Variants in CUX1 observed in about 807,000 individuals in gnomAD.
CUX1 encodes cut like homeobox 1.
A neutral mutation model predicts 158.8 loss-of-function variants in CUX1; 31 were observed. The ratio of observed to expected loss-of-function variants is 0.20; its 90% CI spans 0.15 to 0.26. CUX1 has a LOEUF of 0.26. Among genes scored for constraint, CUX1 ranks in the 10% least tolerant of loss-of-function variants. CUX1 has a pLI of 1.00. For synonymous variants in CUX1, 879 were observed against 862.1 expected (o/e 1.02, Z -0.34); for missense variants, 1,589 against 2,014.6 (o/e 0.79, Z 4.04).
rs182967945 is a variant in CUX1, at chr7:102,117,240, A to G, written c.674+1967A>G. 3.3e-5 allele frequency among the ~76,000 whole-genome samples: 5 copies of G among 152,102 alleles called. No homozygotes were observed. The East Asian group carries it at 5.8e-4, about 18-fold the overall frequency. ...TGGCAAAACCCCATCTCTACTAAAA[A>G]TATAAAAATCAGCTGGGCATGGTGG... On this transcript the variant is annotated intron_variant, in intron 8 of 23. Transcript: ENST00000292535.
chr7:102,178,009 A>C lies in CUX1; in HGVS notation c.829-460A>C, dbSNP rs148674516. ...CCGAGTTCAAGTGATTCTCCTCCTCAGCCTCCCGAGTAGCTGGGATTACAG... is the reference window on the plus strand; with the variant it reads ...CCGAGTTCAAGTGATTCTCCTCCTCCGCCTCCCGAGTAGCTGGGATTACAG... On this transcript the variant is annotated intron_variant, in intron 10 of 23. Coordinates refer to ENST00000292535, the MANE Select transcript of CUX1 (RefSeq NM_181552.4). 5.9e-5 allele frequency among the ~76,000 whole-genome samples: 9 copies of C among 152,164 alleles called. No homozygotes were observed. The East Asian group carries it at 1.7e-3, about 30-fold the overall frequency.
At chr7:101,846,739 C>T (rs2131217773) in intron 1 of CUX1, among the ~76,000 whole-genome samples, 1 of 152,210 alleles carries the variant, frequency 6.6e-6, no homozygotes, top group Admixed American at 6.5e-5. Flanking sequence ...GTGGCAGCCC[C>T]ACGGACAGTA....
intron 1 of CUX1, among the ~76,000 whole-genome samples, chr7:101,884,297 G>A (rs774561555): frequency 3.3e-5 from 5 of 152,188 alleles, no homozygotes; most frequent in Non-Finnish European, 7.3e-5. Context: ...CAAGGTAATT[G>A]GGATATATAC....
chr7:102,134,767 C>A (rs1833712096), intron 8 of CUX1, among the ~76,000 whole-genome samples: 2 of 151,952 alleles, frequency 1.3e-5, no homozygotes, highest in South Asian at 4.2e-4. Context: ...CCAGCTAATT[C>A]TTTTTATTTT....
At chr7:101,903,171 C>T (rs1313219017) in intron 1 of CUX1, among the ~76,000 whole-genome samples, 5 of 152,196 alleles carry the variant, frequency 3.3e-5, no homozygotes, top group African/African-American at 9.6e-5. Flanking sequence ...GGTCAGCAGC[C>T]GGCCAGACCT....
intron 4 of CUX1, among the ~76,000 whole-genome samples, chr7:102,078,752 A>G (rs1827049083): frequency 6.6e-6 from 1 of 152,192 alleles, no homozygotes; most frequent in Admixed American, 6.6e-5. Flanking sequence ...AAGTAGATGT[A>G]GGTTTTTCGG....
At chr7:101,957,355 G>T (rs774258646) in intron 2 of CUX1, among the ~76,000 whole-genome samples, 2 of 152,154 alleles carry the variant, frequency 1.3e-5, no homozygotes, top group Non-Finnish European at 2.9e-5. Flanking sequence ...GATTATTTTT[G>T]GTTGGTGTGA....
intron 1 of CUX1, among the ~76,000 whole-genome samples, chr7:101,819,850 C>A (rs1017026917): frequency 2.6e-5 from 4 of 152,130 alleles, no homozygotes; most frequent in Non-Finnish European, 4.4e-5. Flanking sequence ...TGACTACATC[C>A]TCGGCTTCGT....
chr7:101,946,145 A>G (rs935182791), intron 2 of CUX1, among the ~76,000 whole-genome samples: 1 of 152,184 alleles, frequency 6.6e-6, no homozygotes, highest in African/African-American at 2.4e-5. Context: ...TAGAAGAACC[A>G]AAACCAGTCT....
chr7:101,848,051 C>CAAAAAAAAAAAAAAAAA (rs57428019), intron 1 of CUX1, among the ~76,000 whole-genome samples: 48 of 65,374 alleles, frequency 7.3e-4, no homozygotes, highest in Admixed American at 1.0e-3. Flanking sequence ...GAGCAAGACT[C>CAAAAAAAAAAAAAAAAA]AAAAAAAAAA....
intron 9 of CUX1, among the ~76,000 whole-genome samples, chr7:102,169,468 C>T (rs1247851006): frequency 6.6e-6 from 1 of 152,236 alleles, no homozygotes; most frequent in South Asian, 2.1e-4. Context: ...CCATGTCATT[C>T]GCCACCATCT....
intron 4 of CUX1, among the ~76,000 whole-genome samples, chr7:102,073,001 C>T (rs1826295894): frequency 6.6e-6 from 1 of 152,002 alleles, no homozygotes; most frequent in South Asian, 2.1e-4. Flanking sequence ...GAAGTTCTTG[C>T]TACCACTTCT....
downstream of CUX1, among the ~76,000 whole-genome samples, chr7:102,262,103 C>A (rs1429780581): frequency 6.6e-6 from 1 of 152,122 alleles, no homozygotes; most frequent in South Asian, 2.1e-4. Flanking sequence ...CAGAGTGAGA[C>A]CCTGTCTCCA....
chr7:101,821,671 C>CTTTTTTCTTT (rs1792578785), intron 1 of CUX1, among the ~76,000 whole-genome samples: 1 of 51,302 alleles, frequency 1.9e-5, no homozygotes, highest in Non-Finnish European at 3.3e-5. Context: ...TTTCTTTTTT[C>CTTTTTTCTTT]TTTTTTTTTT....
At chr7:102,057,103 G>A (rs1205007099) in intron 3 of CUX1, among the ~76,000 whole-genome samples, 1 of 149,566 alleles carries the variant, frequency 6.7e-6, no homozygotes, top group Non-Finnish European at 1.5e-5. Context: ...GAGTTTCACT[G>A]TGTTAGCCAG....
chr7:102,023,921 G>T (rs1368134673), intron 2 of CUX1, among the ~76,000 whole-genome samples: 1 of 152,188 alleles, frequency 6.6e-6, no homozygotes, highest in Non-Finnish European at 1.5e-5. Context: ...TAGGAGACAT[G>T]AATATGCTCA....
intron 1 of CUX1, among the ~76,000 whole-genome samples, chr7:101,878,209 G>C (rs978540196): frequency 1.3e-4 from 20 of 152,302 alleles, no homozygotes; most frequent in African/African-American, 4.8e-4. Flanking sequence ...ATTGCAGTAA[G>C]GAGTCAATGA....
intron 2 of CUX1, among the ~76,000 whole-genome samples, chr7:101,917,012 G>A (rs997806153): frequency 7.9e-5 from 12 of 151,966 alleles, no homozygotes; most frequent in South Asian, 2.1e-4. Flanking sequence ...CGCTCATCCC[G>A]CGGGCTCGGA....
At chr7:101,878,367 T>G (rs1799374385) in intron 1 of CUX1, among the ~76,000 whole-genome samples, 1 of 152,204 alleles carries the variant, frequency 6.6e-6, no homozygotes, top group African/African-American at 2.4e-5. Context: ...AACCTCGCAG[T>G]TAGCCAGCAA....
Sources: gnomAD v4.1 joint callset for allele counts (sites outside exome capture counted in the v4.1 genomes callset) on GRCh38, gnomAD v4.1.1 for gene constraint, MANE v1.5 for transcripts, NCBI Gene and HGNC (gene_info 2026-07-23, HGNC 2026-07-21) for gene names.